Variants in ARL5A observed in about 807,000 individuals in gnomAD.
ARL5A encodes the protein ADP-ribosylation factor-like protein 5A.
ARL5A carries 18 observed loss-of-function variants against 25.9 expected under a neutral mutation model. That is an observed-to-expected ratio of 0.69 (90% CI 0.48 to 1.03). The LOEUF (loss-of-function observed/expected upper bound fraction) is 1.03, where lower values mean the gene tolerates loss of function less well. Among genes scored for constraint, ARL5A ranks in the 50% least tolerant of loss-of-function variants. ARL5A has a pLI of 0.00. For missense variants in ARL5A, 170 were observed against 211.9 expected, an observed-to-expected ratio of 0.80 and a Z score of 1.23; for synonymous variants, 61 against 67.5, an observed-to-expected ratio of 0.90 and a Z score of 0.47.
chr2:151,809,836 C>T (rs2099830591), intron 4 of ARL5A, among the ~76,000 whole-genome samples: 1 of 152,216 alleles, frequency 6.6e-6, no homozygotes, highest in African/African-American at 2.4e-5. Flanking sequence ...AATCCCAGCA[C>T]TTTGGGAGGC....
intron 4 of ARL5A, among the ~76,000 whole-genome samples, chr2:151,808,465 A>AT (rs36072126): frequency 0.87 from 131,876 of 152,212 alleles, 57,836 homozygotes; most frequent in Middle Eastern, 0.94. Flanking sequence ...TATGTAAAAT[A>AT]TTTATATAAC....
intron 1 of ARL5A, among the ~76,000 whole-genome samples, chr2:151,825,316 G>T (rs1273515354): frequency 6.6e-6 from 1 of 152,130 alleles, no homozygotes; most frequent in Non-Finnish European, 1.5e-5. Flanking sequence ...AGGGAAAAAT[G>T]ATGTCAATCT....
Position 151,803,273 on chromosome 2 carries a change from A to G in ARL5A, c.*3T>C, listed in dbSNP as rs373354479. ...AAAATCTATGAGAAGAGGTCAGTAG[A>G]GATCATCTAATCTTAAGTCGTGACA... On this transcript the variant is annotated 3_prime_UTR_variant, in exon 6 of 6. Coordinates refer to ENST00000295087, the MANE Select transcript of ARL5A (RefSeq NM_012097.4). 26 of 1,610,732 alleles carry G rather than the reference A, an allele frequency of 1.6e-5. No individual in the cohort carries two copies. Among genetic ancestry groups the G allele is most frequent in the Admixed American group, 1.7e-5 (1 of 59,988 alleles).
rs143794236 is a variant in ARL5A at position 151,805,320 on chromosome 2, A to G, written c.491+1501T>C. 4.0e-4 allele frequency among the ~76,000 whole-genome samples: 61 copies of G among 152,148 alleles called. No individual in the cohort carries two copies. In the South Asian group the frequency reaches 0.012, roughly 30 times the overall value. ...TAAGATTTGCCTTCAATAATTCGTT[A>G]TATTTGGTTCACCCTTCATCGTGGT... On this transcript the variant is annotated intron_variant, in intron 5 of 5. Transcript: ENST00000295087.
chr2:151,809,732 G>C (rs2099830571), intron 4 of ARL5A, among the ~76,000 whole-genome samples: 1 of 152,194 alleles, frequency 6.6e-6, no homozygotes, highest in South Asian at 2.1e-4. Context: ...AACAGCAATT[G>C]CAAGACACAT....
intron 5 of ARL5A, among the ~76,000 whole-genome samples, chr2:151,805,120 G>GAT (rs899936564): frequency 2.6e-5 from 4 of 151,640 alleles, no homozygotes; most frequent in South Asian, 2.1e-4. Context: ...GCTTGACAAA[G>GAT]ATATATATAT....
chr2:151,799,687 G>A lies in ARL5A; in HGVS notation c.*3589C>T, dbSNP rs1480039704. 1 of 152,132 alleles carries A rather than the reference G, an allele frequency of 6.6e-6. No homozygotes were observed. The highest frequency in any genetic ancestry group is 1.5e-5 in the Non-Finnish European group (1 of 68,024). 9.4% of individuals were successfully genotyped at this position (152,132 alleles called of 1,614,324 possible). On this transcript the variant is annotated 3_prime_UTR_variant, in exon 6 of 6. Transcript: ENST00000295087. ...TATATGCTATACACACTGCAAGCTGGTCTTCTGATGGACTCCACATCTCTG... is the reference window on the plus strand; with the variant it reads ...TATATGCTATACACACTGCAAGCTGATCTTCTGATGGACTCCACATCTCTG...
At chr2:151,819,913 T>A (rs896249294) in intron 1 of ARL5A, among the ~76,000 whole-genome samples, 6 of 151,992 alleles carry the variant, frequency 3.9e-5, no homozygotes, top group African/African-American at 1.4e-4. Context: ...AAAATTAGCC[T>A]GGCATGGTGG....
At chr2:151,817,084 C>T (rs1045076521) in intron 1 of ARL5A, among the ~76,000 whole-genome samples, 1 of 152,260 alleles carries the variant, frequency 6.6e-6, no homozygotes, top group African/African-American at 2.4e-5. Context: ...GTTCAAGTCA[C>T]TCTCCCTACA....
intron 4 of ARL5A, among the ~76,000 whole-genome samples, chr2:151,808,680 T>C (rs1440764601): frequency 6.6e-6 from 1 of 152,232 alleles, no homozygotes; most frequent in African/African-American, 2.4e-5. Context: ...AGAGATAAAG[T>C]ATAACTTGTA....
intron 4 of ARL5A, among the ~76,000 whole-genome samples, chr2:151,807,569 A>G (rs967375905): frequency 6.6e-6 from 1 of 152,190 alleles, no homozygotes; most frequent in African/African-American, 2.4e-5. Context: ...CACAGCTAGT[A>G]CCTTCTAGCT....
intron 3 of ARL5A, among the ~76,000 whole-genome samples, chr2:151,813,388 CTG>C (rs1302451144): frequency 2.0e-5 from 3 of 152,098 alleles, no homozygotes; most frequent in East Asian, 3.8e-4. Context: ...TTTAATAAAA[CTG>C]TTAATTTTCA....
chr2:151,807,293 C>T (rs191044353), intron 4 of ARL5A, among the ~76,000 whole-genome samples: 89 of 152,258 alleles, frequency 5.8e-4, no homozygotes, highest in Admixed American at 5.7e-3. Context: ...TACTTGAGAG[C>T]TCTCCAAAAT....
chr2:151,809,910 C>T (rs1284291872), intron 4 of ARL5A, among the ~76,000 whole-genome samples: 2 of 152,080 alleles, frequency 1.3e-5, no homozygotes, highest in African/African-American at 2.4e-5. Flanking sequence ...GGTAAAACCC[C>T]GTCTCTACTA....
intron 4 of ARL5A, chr2:151,810,547 G>T: frequency 2.2e-6 from 1 of 444,578 alleles, no homozygotes; most frequent in Non-Finnish European, 4.5e-6. Context: ...CCCTACTTAG[G>T]TCTTCTTTTT....
chr2:151,811,998 T>A (rs2099830908), intron 4 of ARL5A, among the ~76,000 whole-genome samples: 1 of 152,244 alleles, frequency 6.6e-6, no homozygotes. Flanking sequence ...AATCAAGAAT[T>A]GCTAAGCACC....
Position 151,802,564 on chromosome 2 carries a change from A to C in ARL5A, c.*712T>G, listed in dbSNP as rs183322511. The C allele has an allele frequency of 4.6e-5, 7 of 152,256 alleles. No individual in the cohort carries two copies. Among genetic ancestry groups the C allele is most frequent in the Non-Finnish European group, 1.0e-4 (7 of 67,942 alleles). The allele number at this position is 152,256 out of a possible 1,614,324, so 9.4% of individuals were successfully genotyped here. A position where few individuals can be genotyped will look rare whatever the true frequency, so the allele number is the denominator to read the frequency against. Reference sequence around the variant, plus strand: ...TTCCATGTGTGTGATTTTGGTCAACAACAAAAAATCGATACACAATGTCAT... The same window carrying C: ...TTCCATGTGTGTGATTTTGGTCAACCACAAAAAATCGATACACAATGTCAT... On this transcript the variant is annotated 3_prime_UTR_variant, in exon 6 of 6. Coordinates refer to ENST00000295087, the MANE Select transcript of ARL5A (RefSeq NM_012097.4).
intron 5 of ARL5A, among the ~76,000 whole-genome samples, chr2:151,806,509 A>G (rs917802298): frequency 1.3e-5 from 2 of 152,152 alleles, no homozygotes; most frequent in African/African-American, 4.8e-5. Context: ...CTTCAGTTCC[A>G]CTATCATCGT....
At chr2:151,820,283 C>T (rs555605878) in intron 1 of ARL5A, among the ~76,000 whole-genome samples, 80 of 152,252 alleles carry the variant, frequency 5.3e-4, no homozygotes, top group Non-Finnish European at 7.5e-4. Flanking sequence ...ATTTAAACTG[C>T]TTTAAATCTT....
Sources: allele counts gnomAD v4.1 joint callset (sites outside exome capture counted in the v4.1 genomes callset), GRCh38; gene constraint gnomAD v4.1.1; transcripts MANE v1.5; gene names NCBI Gene and HGNC (gene_info 2026-07-23, HGNC 2026-07-21).